Variants in SAMSN1 observed in about 807,000 individuals in gnomAD.
SAMSN1 encodes the protein SAM domain, SH3 domain and nuclear localization signals 1.
In SAMSN1, 31 loss-of-function variants were observed where a neutral mutation model predicts 42.0. That is an observed-to-expected ratio of 0.74 (90% CI 0.55 to 1.00). SAMSN1 has a LOEUF of 1.00. SAMSN1 is among the 50% of genes least tolerant of loss of function. The pLI is 0.00. For missense variants in SAMSN1, 464 were observed against 439.4 expected, an observed-to-expected ratio of 1.06 and a Z score of -0.50; for synonymous variants, 178 against 151.9, an observed-to-expected ratio of 1.17 and a Z score of -1.26.
intron 2 of SAMSN1, among the ~76,000 whole-genome samples, chr21:14,632,105 T>A (rs887569524): frequency 1.3e-5 from 2 of 152,162 alleles, no homozygotes; most frequent in Non-Finnish European, 2.9e-5. Context: ...GGTGTGTGCA[T>A]CTATTTTTAA....
At chr21:14,583,716 G>C (rs1283830143), upstream of SAMSN1, 1 of 717,582 alleles carries the variant, frequency 1.4e-6, no homozygotes, top group Non-Finnish European at 2.6e-6. Context: ...GTCCAAACCA[G>C]TTTCTGTAGT....
At chr21:14,639,907 T>C (rs771311152) in intron 2 of SAMSN1, among the ~76,000 whole-genome samples, 1 of 152,224 alleles carries the variant, frequency 6.6e-6, no homozygotes, top group Non-Finnish European at 1.5e-5. Context: ...TATCTTAAAT[T>C]GGTTTCTCTT....
chr21:14,527,934 C>T (rs190851937), intron 1 of SAMSN1, among the ~76,000 whole-genome samples: 1 of 152,128 alleles, frequency 6.6e-6, no homozygotes, highest in East Asian at 1.9e-4. Flanking sequence ...TGCTACACTT[C>T]TGGGAAATGA....
At chr21:14,490,922 G>A (rs957020272) in intron 7 of SAMSN1, among the ~76,000 whole-genome samples, 1 of 152,072 alleles carries the variant, frequency 6.6e-6, no homozygotes, top group African/African-American at 2.4e-5. Flanking sequence ...TCAAGATCAC[G>A]ATAACTCAGC....
At chr21:14,553,828 T>A (rs981191706) in intron 2 of SAMSN1, among the ~76,000 whole-genome samples, 1 of 152,110 alleles carries the variant, frequency 6.6e-6, no homozygotes, top group African/African-American at 2.4e-5. Context: ...CTCTGCCTCT[T>A]TCCTCTGGAT....
chr21:14,542,101 G>T (rs1316031692), intron 1 of SAMSN1, among the ~76,000 whole-genome samples: 1 of 152,152 alleles, frequency 6.6e-6, no homozygotes, highest in Non-Finnish European at 1.5e-5. Flanking sequence ...AGATTTCTTT[G>T]ATGAACTTCC....
intron 7 of SAMSN1, among the ~76,000 whole-genome samples, chr21:14,490,002 AAGAAG>A (rs1986616098): frequency 6.6e-6 from 1 of 152,150 alleles, no homozygotes; most frequent in Non-Finnish European, 1.5e-5. Context: ...GTTCTACTCT[AAGAAG>A]AGAAATCTGC....
chr21:14,624,987 A>T (rs1459253123), intron 2 of SAMSN1, among the ~76,000 whole-genome samples: 1 of 152,188 alleles, frequency 6.6e-6, no homozygotes, highest in African/African-American at 2.4e-5. Flanking sequence ...ATGAGTCAAT[A>T]AACATAATCC....
At chr21:14,540,853 G>A (rs4817250) in intron 1 of SAMSN1, among the ~76,000 whole-genome samples, 79,520 of 151,918 alleles carry the variant, frequency 0.52, 21,211 homozygotes, top group East Asian at 0.78. Context: ...TTGTGGCACT[G>A]TTCACAATAG....
At chr21:14,577,042 C>T (rs574974871) in intron 2 of SAMSN1, among the ~76,000 whole-genome samples, 1 of 125,040 alleles carries the variant, frequency 8.0e-6, no homozygotes, top group African/African-American at 3.2e-5. Context: ...TAGATTGCAT[C>T]CGTTTCTTTT....
Position 14,553,046 on chromosome 21 carries a change from T to A in SAMSN1, c.261+29090A>T, listed in dbSNP as rs574063964. On this transcript the variant is annotated intron_variant, in intron 2 of 8. Coordinates refer to the SAMSN1 transcript ENST00000285670. ...CTCTTTTTCTGATCCTTCCAATATT[T>A]AAAAAAAAAATGTTTCTAGTTGGTT... is the stretch of plus-strand genomic sequence containing the variant. Among the ~76,000 whole-genome samples, 885 of 150,076 alleles carry A rather than the reference T, an allele frequency of 5.9e-3. 5 individuals are homozygous for A. The highest frequency in any genetic ancestry group is 0.02 in the African/African-American group (834 of 41,070).
chr21:14,516,016 T>C (rs1987898030), intron 3 of SAMSN1, among the ~76,000 whole-genome samples: 2 of 152,174 alleles, frequency 1.3e-5, no homozygotes, highest in Admixed American at 6.5e-5. Flanking sequence ...ATAACAAGTG[T>C]TGGCAATGAT....
At position 14,508,564 on chromosome 21, in the gene SAMSN1, TA is replaced by T. The variant is rs761410791; in HGVS notation, c.561+1745del. The stretch of plus-strand genomic sequence containing the variant: ...CAAAAAATTAAAAAATTGCAGATGT[TA>T]GCATGGATGTACTGAAAAAGGAACA... On this transcript the variant is annotated intron_variant, in intron 5 of 7. Coordinates refer to ENST00000400566, the MANE Select transcript of SAMSN1 (RefSeq NM_022136.5). Among the ~76,000 whole-genome samples the T allele has an allele frequency of 5.3e-5, 8 of 152,296 alleles. No individual in the cohort carries two copies. In the East Asian group the frequency reaches 9.7e-4, roughly 18 times the overall value.
intron 7 of SAMSN1, among the ~76,000 whole-genome samples, chr21:14,489,781 T>C (rs1381276140): frequency 6.6e-6 from 1 of 152,122 alleles, no homozygotes; most frequent in East Asian, 1.9e-4. Flanking sequence ...CAGAATTGTA[T>C]AAAGCCCATG....
Position 14,643,532 on chromosome 21 carries a change from C to T in SAMSN1, c.25-399G>A, listed in dbSNP as rs141498448. Reference sequence around the variant, plus strand: ...GTATGTCTCTAATTGGTACCACCTCCCTTTATAAGAAATACAGTCTGCTCT... The same window carrying T: ...GTATGTCTCTAATTGGTACCACCTCTCTTTATAAGAAATACAGTCTGCTCT... On this transcript the variant is annotated intron_variant, in intron 1 of 15. Coordinates refer to the SAMSN1 transcript ENST00000647101. 3.5e-3 allele frequency among the ~76,000 whole-genome samples: 538 copies of T among 152,294 alleles called. 7 individuals are homozygous for T. The highest frequency in any genetic ancestry group is 5.7e-3 in the Non-Finnish European group (385 of 68,034).
At chr21:14,594,368 T>C (rs150714013) in intron 6 of SAMSN1, among the ~76,000 whole-genome samples, 1 of 152,244 alleles carries the variant, frequency 6.6e-6, no homozygotes, top group African/African-American at 2.4e-5. Context: ...TGTATTAGAT[T>C]CACTCCTCAG....
At chr21:14,588,659 A>C (rs905537405) in intron 7 of SAMSN1, among the ~76,000 whole-genome samples, 4 of 152,210 alleles carry the variant, frequency 2.6e-5, no homozygotes, top group Non-Finnish European at 5.9e-5. Flanking sequence ...AGTGAAGGCC[A>C]TCTTCATCCA....
At chr21:14,545,720 A>T (rs1398241577) in intron 1 of SAMSN1, among the ~76,000 whole-genome samples, 1 of 152,158 alleles carries the variant, frequency 6.6e-6, no homozygotes, top group Non-Finnish European at 1.5e-5. Context: ...ACAACGAGCT[A>T]TCATGATTTA....
chr21:14,591,180 C>T (rs1310682824), intron 7 of SAMSN1: 1 of 151,990 alleles, frequency 6.6e-6, no homozygotes, highest in East Asian at 1.9e-4. Flanking sequence ...AGAAACTGAA[C>T]TTAAACTAAG....
Sources: gnomAD v4.1 joint callset for allele counts (sites outside exome capture counted in the v4.1 genomes callset) on GRCh38, gnomAD v4.1.1 for gene constraint, MANE v1.5 for transcripts, NCBI Gene and HGNC (gene_info 2026-07-23, HGNC 2026-07-21) for gene names.